Variants in TRPM3 observed in about 807,000 individuals in gnomAD.
TRPM3 encodes long transient receptor potential channel 3.
A neutral mutation model predicts 181.2 loss-of-function variants in TRPM3; 77 were observed. That is an observed-to-expected ratio of 0.42 (90% CI 0.35 to 0.51). The LOEUF (loss-of-function observed/expected upper bound fraction) is 0.51. Ranked by LOEUF, TRPM3 falls within the 20% of genes least tolerant of loss-of-function variation. TRPM3 has a pLI of 0.01. For synonymous variants in TRPM3, 745 were observed against 796.4 expected, an observed-to-expected ratio of 0.94 and a Z score of 1.09; for missense variants, 1,759 against 2,196.7, an observed-to-expected ratio of 0.80 and a Z score of 3.98.
intron 1 of TRPM3, among the ~76,000 whole-genome samples, chr9:71,344,873 C>T (rs1315790985): frequency 1.3e-5 from 2 of 152,046 alleles, no homozygotes; most frequent in Non-Finnish European, 2.9e-5. Flanking sequence ...TCTTGCAATT[C>T]AATAACAAGA....
intron 5 of TRPM3, among the ~76,000 whole-genome samples, chr9:70,837,993 T>C (rs890103297): frequency 3.9e-5 from 6 of 152,170 alleles, no homozygotes; most frequent in African/African-American, 1.2e-4. Context: ...AAAACTAATA[T>C]ATGCAGTCGC....
intron 1 of TRPM3, among the ~76,000 whole-genome samples, chr9:71,420,842 AGG>A (rs1491313777): frequency 1.8e-4 from 1 of 5,692 alleles, no homozygotes. Context: ...AGAAAGAGAG[AGG>A]AAGAGAGAGA....
At chr9:71,031,476 A>G (rs753614809) in intron 1 of TRPM3, among the ~76,000 whole-genome samples, 1 of 152,182 alleles carries the variant, frequency 6.6e-6, no homozygotes, top group Admixed American at 6.5e-5. Context: ...GGCATTACAG[A>G]TGAGATATAT....
At chr9:71,276,530 A>T (rs994024992) in intron 1 of TRPM3, among the ~76,000 whole-genome samples, 2 of 152,228 alleles carry the variant, frequency 1.3e-5, no homozygotes, top group African/African-American at 4.8e-5. Context: ...TACAAGAGAG[A>T]AGAAATAAAT....
rs1387534526 is a variant in TRPM3 at position 70,827,645 on chromosome 9, T to A, written c.973+202A>T. On this transcript the variant is annotated intron_variant, in intron 6 of 25. Transcript: ENST00000677713. ...CACATGATACATAAGCTGGAGTCAC[T>A]AATTGTGTAATTACTTCTTACGCCT... is the stretch of plus-strand genomic sequence containing the variant. 1.1e-5 allele frequency: 6 copies of A among 544,406 alleles called. No homozygotes were observed. The African/African-American group carries it at 1.1e-4, about 10-fold the overall frequency. The allele number at this position is 544,406 out of a possible 1,614,324, so 33.7% of individuals were successfully genotyped here.
At chr9:71,189,765 T>C (rs1056535827) in intron 1 of TRPM3, among the ~76,000 whole-genome samples, 2 of 151,896 alleles carry the variant, frequency 1.3e-5, no homozygotes, top group Admixed American at 6.6e-5. Context: ...CAACACTCTG[T>C]ATATGTCTCA....
intron 9 of TRPM3, among the ~76,000 whole-genome samples, chr9:70,657,362 G>A (rs2060509049): frequency 6.6e-6 from 1 of 151,124 alleles, no homozygotes; most frequent in African/African-American, 2.4e-5. Flanking sequence ...CCTTTTAAAG[G>A]CCACGAAATA....
At chr9:71,016,370 C>G (rs572376957) in intron 1 of TRPM3, among the ~76,000 whole-genome samples, 1 of 151,938 alleles carries the variant, frequency 6.6e-6, no homozygotes, top group Non-Finnish European at 1.5e-5. Flanking sequence ...AATCCATCTC[C>G]AGAACTTTTT....
intron 9 of TRPM3, among the ~76,000 whole-genome samples, chr9:70,671,370 A>G (rs1349910311): frequency 1.3e-5 from 2 of 152,070 alleles, no homozygotes; most frequent in Non-Finnish European, 2.9e-5. Context: ...AGAGGAGCCT[A>G]GTGGGGAAAG....
chr9:71,443,918 T>C (rs897340045), intron 1 of TRPM3, among the ~76,000 whole-genome samples: 30 of 152,254 alleles, frequency 2.0e-4, no homozygotes, highest in Middle Eastern at 3.4e-3. Context: ...CGGTGGCTCA[T>C]ACCTGTAATC....
intron 8 of TRPM3, among the ~76,000 whole-genome samples, chr9:70,751,160 T>C (rs554664335): frequency 6.6e-6 from 1 of 152,142 alleles, no homozygotes; most frequent in East Asian, 1.9e-4. Context: ...ACAAAAGCTA[T>C]ATATAATTTT....
In TRPM3 at chr9:71,420,757, AAGAGAGAGAAAGAG is replaced by A. The variant is rs1393434023; in HGVS notation, c.183+25882_183+25895del. Among the ~76,000 whole-genome samples, 157 of 19,782 alleles carry A rather than the reference AAGAGAGAGAAAGAG, an allele frequency of 7.9e-3. 1 individual carries two copies. The highest frequency in any genetic ancestry group is 0.022 in the African/African-American group (137 of 6,168). The allele number at this position is 19,782 out of a possible 152,430, so 13.0% of individuals were successfully genotyped here. A position where few individuals can be genotyped will look rare whatever the true frequency, so the allele number is the denominator to read the frequency against. On this transcript the variant is annotated intron_variant, in intron 1 of 24. Coordinates refer to the TRPM3 transcript ENST00000357533. ...AGAGAAAGAGAGAGAAAGAGAGAGAAAGAGAGAGAAAGAGAGAGAAAGAGAGAGAAAGAGAGAGA... is the reference window on the plus strand; with the variant it reads ...AGAGAAAGAGAGAGAAAGAGAGAGAAAGAGAAAGAGAGAGAAAGAGAGAGA...
intron 1 of TRPM3, among the ~76,000 whole-genome samples, chr9:70,933,627 G>A (rs1450372224): frequency 2.0e-5 from 3 of 152,070 alleles, no homozygotes; most frequent in Non-Finnish European, 2.9e-5. Flanking sequence ...AACAGACAAG[G>A]ATTTCAAAAG....
intron 1 of TRPM3, among the ~76,000 whole-genome samples, chr9:70,952,156 G>A (rs2097009697): frequency 1.3e-5 from 2 of 152,128 alleles, no homozygotes; most frequent in South Asian, 4.1e-4. Flanking sequence ...AATATTTGAT[G>A]AACCCATGGC....
chr9:70,632,938 C>CA (rs1284777098), intron 12 of TRPM3, among the ~76,000 whole-genome samples: 4 of 152,134 alleles, frequency 2.6e-5, no homozygotes, highest in Non-Finnish European at 5.9e-5. Context: ...AACAATATTG[C>CA]AAAGCAGAGT....
In TRPM3 at chr9:70,536,147, T is replaced by C; in HGVS notation, c.4966A>G (p.Ser1656Gly). 4 of 1,614,234 alleles carry C rather than the reference T, an allele frequency of 2.5e-6. No individual in the cohort carries two copies. The highest frequency in any genetic ancestry group is 3.4e-6 in the Non-Finnish European group (4 of 1,180,038). The change falls in exon 26 of 26, where the codon AGT becomes GGT. Residue 1656 changes from serine to glycine, a missense_variant. Physicochemically the swap from Ser to Gly is moderately conservative, Grantham distance 56. Coordinates refer to ENST00000677713, the MANE Select transcript of TRPM3 (RefSeq NM_001366145.2). The stretch of plus-strand genomic sequence containing the variant: ...TTCCTGGTGTGTGCATATGGCGCAC[T>C]TGGCTCCTCTGCCGAGTAGCTGTTG... Reference protein sequence around the residue: ...RANSYSAEEPSAPYAHTRKSF... With the variant: ...RANSYSAEEPGAPYAHTRKSF...
rs142846429 is a variant in TRPM3, at chr9:70,613,714, T to C, written c.2526+2194A>G. Among the ~76,000 whole-genome samples the C allele has an allele frequency of 4.0e-3, 612 of 152,322 alleles. 4 individuals carry two copies. Among genetic ancestry groups the C allele is most frequent in the Non-Finnish European group, 6.8e-3 (462 of 68,032 alleles). On this transcript the variant is annotated intron_variant, in intron 18 of 25. Transcript: ENST00000677713. The stretch of plus-strand genomic sequence containing the variant: ...GGAGAAGAAGCTTGGGCAGCAAAGC[T>C]CTTGCAGAACCTTCTACTGGGCTCT...
chr9:71,387,756 A>C (rs962026519), intron 1 of TRPM3, among the ~76,000 whole-genome samples: 40 of 152,148 alleles, frequency 2.6e-4, no homozygotes, highest in Admixed American at 2.6e-3. Flanking sequence ...TTATTAGTTA[A>C]TTTTACTGCA....
intron 1 of TRPM3, among the ~76,000 whole-genome samples, chr9:71,247,326 C>G (rs866920182): frequency 7.6e-6 from 1 of 132,218 alleles, no homozygotes; most frequent in Admixed American, 8.4e-5. Flanking sequence ...TGCACTCCAG[C>G]CTGGGTGATA....
Sources: allele counts gnomAD v4.1 joint callset (sites outside exome capture counted in the v4.1 genomes callset), GRCh38; gene constraint gnomAD v4.1.1; transcripts MANE v1.5; gene names NCBI Gene and HGNC (gene_info 2026-07-23, HGNC 2026-07-21).